The following AJUBA variants were observed in gnomAD, a reference collection of about 807,000 sequenced individuals.
The protein encoded by AJUBA is ajuba LIM protein.
AJUBA carries 20 observed loss-of-function variants against 53.3 expected under a neutral mutation model. That is an observed-to-expected ratio of 0.38 (90% CI 0.26 to 0.55). The LOEUF is 0.55. AJUBA is among the 20% of genes least tolerant of loss of function. AJUBA has a pLI of 0.80. For missense variants in AJUBA, 580 were observed against 730.5 expected (o/e 0.79, Z 2.38); for synonymous variants, 296 against 306.2 (o/e 0.97, Z 0.35).
chr14:22,982,009 T>C lies in AJUBA; in HGVS notation c.258A>G (p.Glu86=). 1 of 1,586,742 alleles carries C rather than the reference T, an allele frequency of 6.3e-7. No individual in the cohort carries two copies. Among genetic ancestry groups the C allele is most frequent in the East Asian group, 2.2e-5 (1 of 44,492 alleles). The change falls in exon 1 of 8, where the codon GAA becomes GAG. Residue 86 remains glutamate (E), a synonymous_variant. Transcript: ENST00000262713. ...QRGSFEAPRY[E]GSFPAGPPPT... ...GCGGCGGCCCCGCGGGAAAAGAGCC[T>C]TCGTAGCGCGGCGCCTCAAAGGAGC...
At chr14:22,980,793 G>A (rs943659225) in intron 1 of AJUBA, 1 of 448,318 alleles carries the variant, frequency 2.2e-6, no homozygotes. Flanking sequence ...GCCCGGGCAG[G>A]AGTCGGCACG....
At chr14:22,974,622 A>AGGG (rs2045017128) in intron 6 of AJUBA, 2 of 564,228 alleles carry the variant, frequency 3.5e-6, no homozygotes. Flanking sequence ...CTGGGATAGA[A>AGGG]GAGATGGAGC....
rs1209639474 is a variant in AJUBA at position 22,981,731 on chromosome 14, G to T, written c.536C>A (p.Ala179Glu). Residue 179 changes from alanine to glutamate, a missense_variant, in exon 1 of 8, where the codon GCG (alanine) becomes GAG (glutamate). By Grantham distance (107) the Ala-to-Glu change is moderately radical. Transcript: ENST00000262713. ...YDQRHGSPLP[A>E]GPCLFGPPLA... Reference sequence around the variant, plus strand: ...GGGTGGGCCAAACAGGCACGGCCCCGCTGGCAAGGGGCTCCCGTGGCGCTG... The same window carrying T: ...GGGTGGGCCAAACAGGCACGGCCCCTCTGGCAAGGGGCTCCCGTGGCGCTG... 4.6e-6 allele frequency: 7 copies of T among 1,532,176 alleles called. No homozygotes were observed. Among genetic ancestry groups the T allele is most frequent in the East Asian group, 2.5e-5 (1 of 40,772 alleles). The allele number at this position is 1,532,176 out of a possible 1,614,324, so 94.9% of individuals were successfully genotyped here.
chr14:22,980,576 T>C (rs545398537), intron 1 of AJUBA: 2 of 984,894 alleles, frequency 2.0e-6, no homozygotes, highest in South Asian at 4.7e-5. Context: ...TACTACTGGG[T>C]CTCTGATTAA....
chr14:22,979,169 T>C lies in AJUBA; in HGVS notation c.1007-724A>G. On this transcript the variant is annotated intron_variant, in intron 1 of 7. Transcript: ENST00000262713. The surrounding 1 kb of genome is among the most constrained non-coding windows in gnomAD (Gnocchi z 4.0). ...TCATGGGAAGAATACAGAACTGAAC[T>C]GCTTGCTATTCCCCAAAATCCCCCA... 8.4e-7 allele frequency: 1 copy of C among 1,184,180 alleles called. No individual in the cohort carries two copies. The highest frequency in any genetic ancestry group is 3.9e-4 in the Middle Eastern group (1 of 2,594). 73.4% of individuals were successfully genotyped at this position (1,184,180 alleles called of 1,614,324 possible).
In AJUBA at chr14:22,982,402, T is replaced by G; in HGVS notation, c.-136A>C. ...AGGCACAGGGGCTTAGCGGGCGGCC[T>G]GGATGCCCTGCGCCAGGAATCCCAC... On this transcript the variant is annotated 5_prime_UTR_variant, in exon 1 of 8. Transcript: ENST00000262713. 2.1e-6 allele frequency: 3 copies of G among 1,462,662 alleles called. No individual in the cohort carries two copies. In the South Asian group the frequency reaches 4.2e-5, roughly 20 times the overall value. 90.6% of individuals were successfully genotyped at this position (1,462,662 alleles called of 1,614,324 possible).
intron 1 of AJUBA, chr14:22,978,703 C>T (rs763124540): frequency 3.0e-5 from 38 of 1,265,994 alleles, no homozygotes; most frequent in Non-Finnish European, 3.7e-5. Context: ...CCTAAGGAAA[C>T]CTGGAGAAAG....
chr14:22,980,621 G>T, intron 1 of AJUBA: 2 of 985,342 alleles, frequency 2.0e-6, no homozygotes, highest in Non-Finnish European at 2.4e-6. Context: ...CAGGACTGGG[G>T]AGGGACAGCA....
chr14:22,973,318 G>T lies in AJUBA; in HGVS notation c.*125C>A. On this transcript the variant is annotated 3_prime_UTR_variant, in exon 8 of 8. Coordinates refer to ENST00000262713, the MANE Select transcript of AJUBA (RefSeq NM_032876.6). ...TGATCTTTGGGTCTCCGGCCCTTGG[G>T]GTCCTCCCCAGAGGACTCTTCTGCC... 7.4e-7 allele frequency: 1 copy of T among 1,357,884 alleles called. No individual in the cohort carries two copies. Among genetic ancestry groups the T allele is most frequent in the South Asian group, 1.4e-5 (1 of 69,706 alleles). The allele number at this position is 1,357,884 out of a possible 1,614,324, so 84.1% of individuals were successfully genotyped here. A position where few individuals can be genotyped will look rare whatever the true frequency, so the allele number is the denominator to read the frequency against.
At position 22,978,329 on chromosome 14, in the gene AJUBA, T is replaced by TG; in HGVS notation, c.1108+14dup. On this transcript the variant is annotated intron_variant, in intron 2 of 7. Transcript: ENST00000262713. ...GCAGGGGAGGGGAGTGCTTGAGTAT[T>TG]GGGGCTACACTCACCACAAGAGCAG... The TG allele has an allele frequency of 6.2e-7, 1 of 1,605,260 alleles. No homozygotes were observed. The highest frequency in any genetic ancestry group is 8.5e-7 in the Non-Finnish European group (1 of 1,172,992).
chr14:22,980,166 G>C (rs1053721981), intron 1 of AJUBA, among the ~76,000 whole-genome samples: 23 of 152,190 alleles, frequency 1.5e-4, no homozygotes, highest in African/African-American at 5.3e-4. Context: ...GTGGTAAGAA[G>C]AGATGCTTAG....
intron 2 of AJUBA, 65 bp from the exon 3 acceptor site, chr14:22,976,777 C>G: frequency 6.3e-7 from 1 of 1,579,380 alleles, no homozygotes. Context: ...TCTGGGGTCA[C>G]TGCTCCCCGC....
intron 1 of AJUBA, among the ~76,000 whole-genome samples, chr14:22,980,019 G>C (rs749514287): frequency 6.6e-6 from 1 of 151,924 alleles, no homozygotes; most frequent in Non-Finnish European, 1.5e-5. Flanking sequence ...GCTGGGGGTT[G>C]AGTTATGCCC....
intron 6 of AJUBA, among the ~76,000 whole-genome samples, chr14:22,974,452 T>A: frequency 6.6e-6 from 1 of 152,192 alleles, no homozygotes; most frequent in East Asian, 1.9e-4. Flanking sequence ...GATCTGGTCC[T>A]CACTGGCTTT....
chr14:22,975,172 C>A, intron 4 of AJUBA, 68 bp from the exon 5 acceptor site: 1 of 1,564,320 alleles, frequency 6.4e-7, no homozygotes, highest in South Asian at 1.2e-5. Flanking sequence ...CCATTATGCT[C>A]CTTATTACTC....
intron 3 of AJUBA, 55 bp downstream of exon 3, chr14:22,976,590 C>G: frequency 6.2e-7 from 1 of 1,612,998 alleles, no homozygotes; most frequent in Non-Finnish European, 8.5e-7. Flanking sequence ...CAATGGGCCA[C>G]CAAGAAGGGG....
chr14:22,974,819 G>A lies in AJUBA; in HGVS notation c.1422+20C>T. On this transcript the variant is annotated intron_variant, in intron 6 of 7. Transcript: ENST00000262713. ...GGCAGTGGCACTGGCTGCCCTGAAG[G>A]AGAACCCAGACATACTGACCTCAGA... 2 of 1,607,794 alleles carry A rather than the reference G, an allele frequency of 1.2e-6. No homozygotes were observed. Among genetic ancestry groups the A allele is most frequent in the Non-Finnish European group, 1.7e-6 (2 of 1,177,470 alleles).
rs904741039 is a variant in AJUBA, at chr14:22,979,819, C to T, written c.1007-1374G>A. On this transcript the variant is annotated intron_variant, in intron 1 of 7. Coordinates refer to ENST00000262713, the MANE Select transcript of AJUBA (RefSeq NM_032876.6). This position sits in a 1 kb window ranked among gnomAD's most constrained non-coding sequence, Gnocchi z 4.0. The stretch of plus-strand genomic sequence containing the variant: ...CATTTTATTGCAGTTTCTCTGAGTT[C>T]CTTTCTTCCTTTTGGCTCTGATGGT... 2.6e-5 allele frequency among the ~76,000 whole-genome samples: 4 copies of T among 152,198 alleles called. No individual in the cohort carries two copies. Among genetic ancestry groups the T allele is most frequent in the Non-Finnish European group, 4.4e-5 (3 of 68,032 alleles).
Position 22,973,238 on chromosome 14 carries a change from C to A in AJUBA, c.*205G>T, listed in dbSNP as rs776261052. ...CTGCACACATGGGAAAAAGGCCAGT[C>A]GCCCCCACCCTGGTAAATATAAGGT... is the stretch of plus-strand genomic sequence containing the variant. On this transcript the variant is annotated 3_prime_UTR_variant, in exon 8 of 8. Coordinates refer to ENST00000262713, the MANE Select transcript of AJUBA (RefSeq NM_032876.6). 17 of 764,252 alleles carry A rather than the reference C, an allele frequency of 2.2e-5. No homozygotes were observed. Among genetic ancestry groups the A allele is most frequent in the Non-Finnish European group, 2.8e-5 (14 of 493,524 alleles). The allele number at this position is 764,252 out of a possible 1,614,324, so 47.3% of individuals were successfully genotyped here.
Sources: gnomAD v4.1 joint callset for allele counts (sites outside exome capture counted in the v4.1 genomes callset) on GRCh38, gnomAD v4.1.1 for gene constraint, Gnocchi (gnomAD v3.1) non-coding constraint, MANE v1.5 for transcripts, NCBI Gene and HGNC (gene_info 2026-07-23, HGNC 2026-07-21) for gene names.